Variants in SORCS3 observed in about 807,000 individuals in gnomAD.
SORCS3 encodes sortilin related VPS10 domain containing receptor 3.
SORCS3 carries 57 observed loss-of-function variants against 146.3 expected under a neutral mutation model. The ratio of observed to expected loss-of-function variants is 0.39; its 90% confidence interval spans 0.31 to 0.49. The LOEUF (loss-of-function observed/expected upper bound fraction) is 0.49. SORCS3 is among the 20% of genes least tolerant of loss of function. SORCS3 has a pLI of 0.92. For missense variants in SORCS3, 1,341 were observed against 1,575.5 expected (o/e 0.85, Z 2.52); for synonymous variants, 653 against 618.5 (o/e 1.06, Z -0.83).
At chr10:104,734,974 C>G (rs762166302) in intron 1 of SORCS3, among the ~76,000 whole-genome samples, 10 of 152,092 alleles carry the variant, frequency 6.6e-5, no homozygotes, top group Non-Finnish European at 1.3e-4. Flanking sequence ...TTAGGTATCT[C>G]TTTTTTTAAA....
intron 1 of SORCS3, 54 bp downstream of exon 1, chr10:104,642,008 G>A (rs1208578229): frequency 7.0e-7 from 1 of 1,430,880 alleles, no homozygotes; most frequent in Non-Finnish European, 9.3e-7. Context: ...GAAGGGGAAT[G>A]GGGGGGTGGG....
chr10:105,023,016 C>G (rs756823938), intron 4 of SORCS3, among the ~76,000 whole-genome samples: 1 of 152,128 alleles, frequency 6.6e-6, no homozygotes, highest in Non-Finnish European at 1.5e-5. Flanking sequence ...TATGCTCCCC[C>G]CTCTACCAGT....
At chr10:104,743,964 C>T (rs1321070826) in intron 1 of SORCS3, among the ~76,000 whole-genome samples, 1 of 152,214 alleles carries the variant, frequency 6.6e-6, no homozygotes, top group Non-Finnish European at 1.5e-5. Flanking sequence ...ATTCTAACAA[C>T]AATAATAATA....
chr10:104,751,431 T>C (rs2016982135), intron 1 of SORCS3, among the ~76,000 whole-genome samples: 1 of 152,162 alleles, frequency 6.6e-6, no homozygotes, highest in Admixed American at 6.5e-5. Flanking sequence ...CTGCAAGAGA[T>C]GGGCCAGCCT....
chr10:105,133,124 C>T (rs1444357867), intron 7 of SORCS3, among the ~76,000 whole-genome samples: 4 of 151,928 alleles, frequency 2.6e-5, no homozygotes, highest in Non-Finnish European at 5.9e-5. Flanking sequence ...AAGGGCTGTG[C>T]GATCTTTGGA....
chr10:104,805,952 A>G (rs543048169), intron 1 of SORCS3, among the ~76,000 whole-genome samples: 1 of 152,218 alleles, frequency 6.6e-6, no homozygotes, highest in Admixed American at 6.5e-5. Context: ...TATGTCAGAT[A>G]TCCTGCTTCT....
At chr10:105,159,939 A>T (rs2056247840) in intron 11 of SORCS3, among the ~76,000 whole-genome samples, 1 of 152,200 alleles carries the variant, frequency 6.6e-6, no homozygotes, top group South Asian at 2.1e-4. Context: ...CAGATGGTTG[A>T]CACCACAGTG....
intron 13 of SORCS3, among the ~76,000 whole-genome samples, chr10:105,170,134 G>T (rs909313394): frequency 2.0e-5 from 3 of 152,134 alleles, no homozygotes; most frequent in African/African-American, 7.2e-5. Flanking sequence ...AAGAGTACAT[G>T]GAAGAGAGTG....
Position 104,765,064 on chromosome 10 carries a change from C to T in SORCS3, c.628-77728C>T, listed in dbSNP as rs1316878618. Among the ~76,000 whole-genome samples the T allele has an allele frequency of 2.0e-5, 3 of 152,212 alleles. No individual in the cohort carries two copies. In the South Asian group the frequency reaches 6.2e-4, roughly 32 times the overall value. Reference sequence around the variant, plus strand: ...TAACTTAGGTTTGAATCTCTACCAACAGCCAGAGACTCCTATTATTAAGCT... The same window carrying T: ...TAACTTAGGTTTGAATCTCTACCAATAGCCAGAGACTCCTATTATTAAGCT... On this transcript the variant is annotated intron_variant, in intron 1 of 26. Coordinates refer to ENST00000369701, the MANE Select transcript of SORCS3 (RefSeq NM_014978.3).
intron 1 of SORCS3, among the ~76,000 whole-genome samples, chr10:104,738,093 C>A (rs866227297): frequency 6.6e-6 from 1 of 151,974 alleles, no homozygotes; most frequent in African/African-American, 2.4e-5. Context: ...TGTAGATATG[C>A]GGCGTTATTT....
At chr10:105,255,174 G>A (rs1388496005) in intron 23 of SORCS3, among the ~76,000 whole-genome samples, 1 of 127,970 alleles carries the variant, frequency 7.8e-6, no homozygotes, top group East Asian at 2.3e-4. Context: ...GGGCGACAGC[G>A]AGACTCAGTC....
chr10:105,047,875 T>C (rs968752230), intron 5 of SORCS3, among the ~76,000 whole-genome samples: 4 of 152,078 alleles, frequency 2.6e-5, no homozygotes, highest in African/African-American at 9.7e-5. Context: ...GTGTCCCTCC[T>C]GGTGTGTGTA....
intron 20 of SORCS3, among the ~76,000 whole-genome samples, chr10:105,228,132 C>A (rs1006435094): frequency 6.6e-6 from 1 of 151,780 alleles, no homozygotes. Flanking sequence ...CTATTTCTAT[C>A]ATTTCATTAA....
chr10:104,735,017 AT>A (rs1365681816), intron 1 of SORCS3, among the ~76,000 whole-genome samples: 1 of 152,204 alleles, frequency 6.6e-6, no homozygotes. Context: ...ATTAAAAAAA[AT>A]CTACCCTTTA....
At chr10:105,234,347 A>G (rs913558906) in intron 20 of SORCS3, among the ~76,000 whole-genome samples, 1 of 151,896 alleles carries the variant, frequency 6.6e-6, no homozygotes, top group African/African-American at 2.4e-5. Context: ...TGAAAATGAT[A>G]CATCTAGGTG....
chr10:104,746,559 C>G (rs1206802359), intron 1 of SORCS3, among the ~76,000 whole-genome samples: 1 of 152,184 alleles, frequency 6.6e-6, no homozygotes, highest in Non-Finnish European at 1.5e-5. Context: ...ATATACAATG[C>G]ATTATTATTT....
intron 4 of SORCS3, among the ~76,000 whole-genome samples, chr10:105,011,202 T>G (rs2055134432): frequency 1.3e-5 from 2 of 152,160 alleles, no homozygotes; most frequent in African/African-American, 4.8e-5. Context: ...AAAAATAATT[T>G]ATGTCTAATA....
chr10:105,038,985 A>G (rs2055322411), intron 4 of SORCS3, among the ~76,000 whole-genome samples: 1 of 152,222 alleles, frequency 6.6e-6, no homozygotes, highest in Admixed American at 6.5e-5. Flanking sequence ...CATTGCAGAG[A>G]TAACTAATAT....
intron 17 of SORCS3, 56 bp from the exon 18 acceptor site, chr10:105,214,386 A>ACAT: frequency 1.5e-5 from 24 of 1,595,556 alleles, no homozygotes; most frequent in Admixed American, 1.7e-5. Flanking sequence ...ACACACATAC[A>ACAT]ACAGCAACAA....
Sources: allele counts gnomAD v4.1 joint callset (sites outside exome capture counted in the v4.1 genomes callset), GRCh38; gene constraint gnomAD v4.1.1; transcripts MANE v1.5; gene names NCBI Gene and HGNC (gene_info 2026-07-23, HGNC 2026-07-21).